Variants in LRP1B observed in about 807,000 individuals in gnomAD.
LRP1B encodes LDL receptor related protein 1B.
A neutral mutation model predicts 556.6 loss-of-function variants in LRP1B; 217 were observed. The observed-to-expected ratio is 0.39, with a 90% CI of 0.35 to 0.44. LRP1B has a LOEUF of 0.44. Among genes scored for constraint, LRP1B ranks in the 20% least tolerant of loss-of-function variants. The pLI is 1.00. For synonymous variants in LRP1B, 2,047 were observed against 1,865.8 expected (o/e 1.10, Z -2.50); for missense variants, 5,053 against 5,620.8 (o/e 0.90, Z 3.23).
At chr2:140,534,844 G>A (rs1216683805) in intron 46 of LRP1B, among the ~76,000 whole-genome samples, 1 of 152,122 alleles carries the variant, frequency 6.6e-6, no homozygotes, top group African/African-American at 2.4e-5. Context: ...ACTACCATAA[G>A]AGCTAGTTGT....
chr2:140,569,171 C>T (rs193045245), intron 43 of LRP1B, among the ~76,000 whole-genome samples: 2 of 151,730 alleles, frequency 1.3e-5, no homozygotes, highest in Admixed American at 6.6e-5. Flanking sequence ...ACAAACTACA[C>T]AAAACAATAA....
At chr2:141,490,230 C>T (rs1285831196) in intron 2 of LRP1B, among the ~76,000 whole-genome samples, 1 of 151,962 alleles carries the variant, frequency 6.6e-6, no homozygotes, top group African/African-American at 2.4e-5. Flanking sequence ...TGCCTGATCA[C>T]CTAAAAAGAG....
intron 6 of LRP1B, among the ~76,000 whole-genome samples, chr2:141,193,880 T>A (rs953929916): frequency 1.3e-5 from 2 of 152,078 alleles, no homozygotes; most frequent in Admixed American, 6.6e-5. Context: ...TCCTGGGGAA[T>A]ATACCTTTGT....
chr2:140,678,712 C>T (rs1228731128), intron 41 of LRP1B, among the ~76,000 whole-genome samples: 1 of 151,256 alleles, frequency 6.6e-6, no homozygotes, highest in East Asian at 1.9e-4. Flanking sequence ...GTTCTGAAGG[C>T]TGCAAATCTA....
At position 140,641,621 on chromosome 2, in the gene LRP1B, G is replaced by A. The variant is rs78357500; in HGVS notation, c.6800-39982C>T. ...TTACTAAACGTTATGCTCTGTGAGG[G>A]AAGGCACCTTCAGTGTCCTGTTCTG... is the stretch of plus-strand genomic sequence containing the variant. On this transcript the variant is annotated intron_variant, in intron 41 of 90. Transcript: ENST00000389484. 5.7e-3 allele frequency among the ~76,000 whole-genome samples: 865 copies of A among 152,258 alleles called. 14 individuals are homozygous for A. The highest frequency in any genetic ancestry group is 0.02 in the Middle Eastern group (6 of 294).
At chr2:141,938,819 T>TG (rs2105010164) in intron 1 of LRP1B, among the ~76,000 whole-genome samples, 1 of 152,148 alleles carries the variant, frequency 6.6e-6, no homozygotes, top group Non-Finnish European at 1.5e-5. Flanking sequence ...TATTCAACTT[T>TG]GAAAAAGAAG....
chr2:141,372,729 C>T (rs568111886), intron 3 of LRP1B, among the ~76,000 whole-genome samples: 4 of 151,968 alleles, frequency 2.6e-5, no homozygotes, highest in African/African-American at 9.7e-5. Flanking sequence ...TGTAATATCT[C>T]CTTTTTCATT....
intron 8 of LRP1B, among the ~76,000 whole-genome samples, chr2:141,061,316 G>A (rs946808723): frequency 1.3e-5 from 2 of 151,708 alleles, no homozygotes; most frequent in Non-Finnish European, 3.0e-5. Flanking sequence ...GTCTTGCATT[G>A]CAAAAGAATC....
intron 2 of LRP1B, among the ~76,000 whole-genome samples, chr2:141,565,052 C>T (rs1458110586): frequency 6.6e-6 from 1 of 152,010 alleles, no homozygotes; most frequent in Non-Finnish European, 1.5e-5. Flanking sequence ...AAGTTGGTAA[C>T]CTTGATACTG....
At chr2:141,374,266 G>GT (rs1402856835) in intron 3 of LRP1B, among the ~76,000 whole-genome samples, 1 of 152,086 alleles carries the variant, frequency 6.6e-6, no homozygotes, top group Non-Finnish European at 1.5e-5. Flanking sequence ...GGGATTTCCT[G>GT]TATAGGTGAC....
At chr2:141,794,139 T>C (rs1049742120) in intron 2 of LRP1B, among the ~76,000 whole-genome samples, 2 of 151,876 alleles carry the variant, frequency 1.3e-5, no homozygotes, top group South Asian at 4.1e-4. Context: ...AAGTAACTTT[T>C]CCCCCCACAT....
intron 35 of LRP1B, among the ~76,000 whole-genome samples, chr2:140,732,872 AT>A (rs1687824040): frequency 6.6e-6 from 1 of 152,160 alleles, no homozygotes; most frequent in African/African-American, 2.4e-5. Context: ...CCAATAACAT[AT>A]TTTTAGAAAG....
At chr2:141,752,719 G>C (rs183179999) in intron 2 of LRP1B, among the ~76,000 whole-genome samples, 275 of 151,318 alleles carry the variant, frequency 1.8e-3, no homozygotes, top group Non-Finnish European at 3.5e-3. Flanking sequence ...AGGTGGGTCA[G>C]CCATCAGTAT....
intron 5 of LRP1B, among the ~76,000 whole-genome samples, chr2:141,242,188 C>T (rs1683902098): frequency 6.6e-6 from 1 of 152,058 alleles, no homozygotes; most frequent in African/African-American, 2.4e-5. Flanking sequence ...GAAGGTGATA[C>T]TATGTGGCAG....
At chr2:140,593,984 A>AT (rs113603730) in intron 43 of LRP1B, among the ~76,000 whole-genome samples, 10,375 of 146,768 alleles carry the variant, frequency 0.071, 517 homozygotes, top group East Asian at 0.24. Flanking sequence ...CATCATGTTA[A>AT]TTTTTTTTTT....
intron 5 of LRP1B, among the ~76,000 whole-genome samples, chr2:141,242,238 C>T (rs919894496): frequency 3.9e-5 from 6 of 152,040 alleles, no homozygotes; most frequent in African/African-American, 7.2e-5. Flanking sequence ...GCCAATTCTC[C>T]CACAGGCAGA....
intron 2 of LRP1B, among the ~76,000 whole-genome samples, chr2:141,743,741 G>C (rs903740981): frequency 2.0e-5 from 3 of 151,890 alleles, no homozygotes; most frequent in Non-Finnish European, 4.4e-5. Context: ...TATGTTGCAC[G>C]TGTCTAGGAA....
intron 35 of LRP1B, among the ~76,000 whole-genome samples, chr2:140,739,276 C>T (rs1409868644): frequency 6.6e-6 from 1 of 151,402 alleles, no homozygotes; most frequent in African/African-American, 2.4e-5. Flanking sequence ...ATTTGCAAAG[C>T]AGGAATGTCA....
At chr2:140,579,024 G>A (rs1398494796) in intron 43 of LRP1B, among the ~76,000 whole-genome samples, 1 of 151,986 alleles carries the variant, frequency 6.6e-6, no homozygotes, top group African/African-American at 2.4e-5. Context: ...GAGACAAGGG[G>A]AACGAGGAGA....
Sources: allele counts gnomAD v4.1 joint callset (sites outside exome capture counted in the v4.1 genomes callset), GRCh38; gene constraint gnomAD v4.1.1; transcripts MANE v1.5; gene names NCBI Gene and HGNC (gene_info 2026-07-23, HGNC 2026-07-21).